The following PTPRD variants were observed in gnomAD, a reference collection of about 807,000 sequenced individuals.
PTPRD encodes protein tyrosine phosphatase receptor type D.
Under a neutral mutation model 214.5 loss-of-function variants are expected in PTPRD, and 34 were observed. The observed-to-expected ratio is 0.16, with a 90% confidence interval of 0.12 to 0.21. The LOEUF is 0.21. Among genes scored for constraint, PTPRD ranks in the 10% least tolerant of loss-of-function variants. The probability of loss-of-function intolerance (pLI) is 1.00; values close to 1 mark genes in which losing one functional copy is unlikely to be tolerated. For synonymous variants in PTPRD, 1,128 were observed against 845.7 expected (o/e 1.33, Z -5.79); for missense variants, 2,545 against 2,398.7 (o/e 1.06, Z -1.27).
In PTPRD at chr9:10,332,126, G is replaced by C. The variant is rs144829730; in HGVS notation, c.-545+8837C>G. Among the ~76,000 whole-genome samples the C allele has an allele frequency of 5.7e-3, 870 of 151,968 alleles. 4 individuals carry two copies. Among genetic ancestry groups the C allele is most frequent in the African/African-American group, 0.019 (804 of 41,508 alleles). On this transcript the variant is annotated intron_variant, in intron 3 of 45. Transcript: ENST00000381196. ...TCATATACTGATGGATGCATTTCAT[G>C]TGAAAGTGTTGCTTCTTTTCCCTTG...
chr9:10,116,707 C>T (rs1563917867), intron 3 of PTPRD, among the ~76,000 whole-genome samples: 1 of 152,108 alleles, frequency 6.6e-6, no homozygotes, highest in African/African-American at 2.4e-5. Context: ...GGTCATGTCA[C>T]TGCACTCCTG....
At chr9:9,084,284 C>A (rs906464792) in intron 10 of PTPRD, among the ~76,000 whole-genome samples, 1 of 152,106 alleles carries the variant, frequency 6.6e-6, no homozygotes, top group African/African-American at 2.4e-5. Context: ...CCATCATTCT[C>A]AGCAAACTAA....
chr9:9,608,290 G>A (rs74685691), intron 7 of PTPRD, among the ~76,000 whole-genome samples: 76 of 152,222 alleles, frequency 5.0e-4, no homozygotes, highest in African/African-American at 1.4e-3. Flanking sequence ...CATTTTTGAT[G>A]TACTAAAGTA....
chr9:10,562,395 C>G lies in PTPRD; in HGVS notation c.-600+50003G>C, dbSNP rs188199065. On this transcript the variant is annotated intron_variant, in intron 2 of 45. Transcript: ENST00000381196. ...TCAGCACAATTAGAAGTAACAAAAGCTCTTTGAGAAAACTGTTCTGTATGT... is the reference window on the plus strand; with the variant it reads ...TCAGCACAATTAGAAGTAACAAAAGGTCTTTGAGAAAACTGTTCTGTATGT... Among the ~76,000 whole-genome samples, 35 of 151,474 alleles carry G rather than the reference C, an allele frequency of 2.3e-4. No individual in the cohort carries two copies. The East Asian group carries it at 6.2e-3, about 27-fold the overall frequency.
intron 8 of PTPRD, among the ~76,000 whole-genome samples, chr9:9,460,846 G>T (rs1313952593): frequency 6.6e-6 from 1 of 151,854 alleles, no homozygotes; most frequent in Non-Finnish European, 1.5e-5. Flanking sequence ...GAAAATAAAT[G>T]ATTTTATCAA....
In PTPRD at chr9:10,371,536, G is replaced by A. The variant is rs372157095; in HGVS notation, c.-599-30519C>T. Among the ~76,000 whole-genome samples the A allele has an allele frequency of 8.5e-5, 13 of 152,090 alleles. 1 individual carries two copies. The highest frequency in any genetic ancestry group is 2.9e-4 in the African/African-American group (12 of 41,528). On this transcript the variant is annotated intron_variant, in intron 2 of 45. Coordinates refer to ENST00000381196, the MANE Select transcript of PTPRD (RefSeq NM_002839.4). ...AACTGAACAAGTTATTTATCTGTCT[G>A]TTGAGTCCTCTTCAGAATTCCAGTT...
At chr9:9,218,983 G>C (rs920925265) in intron 9 of PTPRD, among the ~76,000 whole-genome samples, 22 of 152,016 alleles carry the variant, frequency 1.4e-4, no homozygotes, top group African/African-American at 4.8e-4. Flanking sequence ...AAAAGCATAA[G>C]CATCAATGAA....
chr9:9,890,432 C>G (rs541372746), intron 5 of PTPRD, among the ~76,000 whole-genome samples: 1 of 152,108 alleles, frequency 6.6e-6, no homozygotes, highest in African/African-American at 2.4e-5. Flanking sequence ...CTCCTAGACT[C>G]AAGCAATCTG....
chr9:9,535,927 C>T (rs1462833760), intron 8 of PTPRD, among the ~76,000 whole-genome samples: 2 of 152,086 alleles, frequency 1.3e-5, no homozygotes, highest in South Asian at 2.1e-4. Flanking sequence ...CTATAAGATT[C>T]GCTATTTGAA....
At chr9:10,434,339 G>T (rs1218032494) in intron 2 of PTPRD, among the ~76,000 whole-genome samples, 1 of 151,754 alleles carries the variant, frequency 6.6e-6, no homozygotes, top group Non-Finnish European at 1.5e-5. Flanking sequence ...TTAGATCAAA[G>T]ATTCCCGACT....
intron 14 of PTPRD, among the ~76,000 whole-genome samples, chr9:8,590,113 T>C (rs1024528883): frequency 6.6e-6 from 1 of 152,128 alleles, no homozygotes; most frequent in Non-Finnish European, 1.5e-5. Context: ...ACAATCTGTA[T>C]AGATATAGTA....
intron 8 of PTPRD, among the ~76,000 whole-genome samples, chr9:9,561,116 C>A (rs938226086): frequency 6.6e-6 from 1 of 152,084 alleles, no homozygotes; most frequent in Admixed American, 6.5e-5. Context: ...TGTTGTAGAG[C>A]CAATGATGGC....
chr9:8,782,703 T>C (rs561103572), intron 11 of PTPRD, among the ~76,000 whole-genome samples: 2 of 150,768 alleles, frequency 1.3e-5, no homozygotes, highest in African/African-American at 2.4e-5. Context: ...GTTCAAGCAA[T>C]TCTCCTGCCT....
chr9:9,231,835 A>G (rs552428594), intron 9 of PTPRD, among the ~76,000 whole-genome samples: 2 of 152,152 alleles, frequency 1.3e-5, no homozygotes, highest in South Asian at 4.1e-4. Flanking sequence ...GCACCCGTCA[A>G]CTCATCATTT....
chr9:9,749,629 G>C (rs934728322), intron 6 of PTPRD, among the ~76,000 whole-genome samples: 1 of 152,052 alleles, frequency 6.6e-6, no homozygotes, highest in Non-Finnish European at 1.5e-5. Flanking sequence ...ACACACCACA[G>C]GGTCAGTAAA....
At chr9:9,222,208 G>C (rs950813915) in intron 9 of PTPRD, among the ~76,000 whole-genome samples, 4 of 151,838 alleles carry the variant, frequency 2.6e-5, no homozygotes, top group Admixed American at 2.6e-4. Context: ...TGTTACTATA[G>C]CCTGTGATAG....
chr9:9,269,421 C>T (rs1941810917), intron 9 of PTPRD, among the ~76,000 whole-genome samples: 2 of 150,300 alleles, frequency 1.3e-5, no homozygotes, highest in Admixed American at 6.7e-5. Flanking sequence ...TAAAGTTGTA[C>T]AGCCACTATG....
At chr9:8,340,052 T>C (rs181896342) in intron 42 of PTPRD, among the ~76,000 whole-genome samples, 1 of 152,096 alleles carries the variant, frequency 6.6e-6, no homozygotes, top group Non-Finnish European at 1.5e-5. Context: ...AGTAAGAATA[T>C]GCTAAAAGAA....
intron 15 of PTPRD, chr9:8,528,089 G>C (rs118074584): frequency 9.3e-6 from 2 of 215,854 alleles, no homozygotes; most frequent in African/African-American, 2.3e-5. Flanking sequence ...CTAAACTTTG[G>C]TACTTTGATG....
Sources: allele counts gnomAD v4.1 joint callset (sites outside exome capture counted in the v4.1 genomes callset), GRCh38; gene constraint gnomAD v4.1.1; transcripts MANE v1.5; gene names NCBI Gene and HGNC (gene_info 2026-07-23, HGNC 2026-07-21).